DNAH11: variants seen among roughly 807,000 people sequenced by gnomAD.
DNAH11 encodes the protein dynein axonemal heavy chain 11.
A neutral mutation model predicts 526.0 loss-of-function variants in DNAH11; 442 were observed. The ratio of observed to expected loss-of-function variants is 0.84; its 90% CI spans 0.78 to 0.91. The LOEUF is 0.91. DNAH11 is among the 40% of genes least tolerant of loss of function. DNAH11 has a pLI of 0.00. For synonymous variants in DNAH11, 2,461 were observed against 1,935.9 expected, an observed-to-expected ratio of 1.27 and a Z score of -7.12; for missense variants, 6,989 against 5,448.7, an observed-to-expected ratio of 1.28 and a Z score of -8.90.
intron 39 of DNAH11, among the ~76,000 whole-genome samples, chr7:21,705,785 G>T (rs1784240897): frequency 6.6e-6 from 1 of 152,184 alleles, no homozygotes; most frequent in Non-Finnish European, 1.5e-5. Context: ...AAGCCAACAT[G>T]AAGATTGAAC....
In DNAH11 at chr7:21,748,757, C is replaced by T. The variant is rs780183912; in HGVS notation, c.8673+15C>T. 1.2e-6 allele frequency: 2 copies of T among 1,608,542 alleles called. No individual in the cohort carries two copies. Among genetic ancestry groups the T allele is most frequent in the South Asian group, 2.2e-5 (2 of 90,134 alleles). ...AGGAACTTCGGGTGAGTCAAGGGGA[C>T]AGGCAGTTCTTCTGACCCTTCTGCT... On this transcript the variant is annotated intron_variant, in intron 52 of 81. Coordinates refer to ENST00000409508, the MANE Select transcript of DNAH11 (RefSeq NM_001277115.2).
intron 28 of DNAH11, among the ~76,000 whole-genome samples, chr7:21,639,871 T>A (rs1386930187): frequency 6.6e-6 from 1 of 152,140 alleles, no homozygotes; most frequent in African/African-American, 2.4e-5. Context: ...TCTCCATGTT[T>A]TTTTTTTCTC....
At position 21,690,778 on chromosome 7, in the gene DNAH11, G is replaced by A; in HGVS notation, c.5938G>A (p.Gly1980Arg). 1.2e-6 allele frequency: 2 copies of A among 1,606,110 alleles called. No homozygotes were observed. The highest frequency in any genetic ancestry group is 1.7e-6 in the Non-Finnish European group (2 of 1,176,076). The change falls in exon 35 of 82, where the codon GGG becomes AGG. Residue 1980 changes from glycine to arginine, a missense_variant. Transcript: ENST00000409508. ...TTTTTATGGTAGATTTGTATTTCTTGGGGAAGCTATCACACTGAAGCCATC... is the reference window on the plus strand; with the variant it reads ...TTTTTATGGTAGATTTGTATTTCTTAGGGAAGCTATCACACTGAAGCCATC... Reference protein sequence around the residue: ...RNRKKRFVFLGEAITLKPSVG... With the variant: ...RNRKKRFVFLREAITLKPSVG...
intron 45 of DNAH11, among the ~76,000 whole-genome samples, chr7:21,733,543 T>C (rs1454726876): frequency 6.6e-6 from 1 of 152,228 alleles, no homozygotes. Context: ...GAACCTGTTA[T>C]CAACCAAGAC....
Position 21,590,952 on chromosome 7 carries a change from T to G in DNAH11, c.2204T>G (p.Leu735Trp), listed in dbSNP as rs1192465573. 1 of 1,508,148 alleles carries G rather than the reference T, an allele frequency of 6.6e-7. No homozygotes were observed. The highest frequency in any genetic ancestry group is 1.4e-5 in the African/African-American group (1 of 69,000). 93.4% of individuals were successfully genotyped at this position (1,508,148 alleles called of 1,614,324 possible). A position where few individuals can be genotyped will look rare whatever the true frequency, so the allele number is the denominator to read the frequency against. ...GTATTGAGAGAAGTGAAATATCTTT[T>G]GATGTTGAAGAAACAAGACATACCA... ...VAVLREVKYLLMLKKQDIPDS... is the reference protein window; with the variant it reads ...VAVLREVKYLWMLKKQDIPDS... Residue 735 changes from leucine (L) to tryptophan (W), a missense_variant, in exon 13 of 82, where the codon TTG becomes TGG. Coordinates refer to ENST00000409508, the MANE Select transcript of DNAH11 (RefSeq NM_001277115.2).
intron 30 of DNAH11, among the ~76,000 whole-genome samples, chr7:21,661,054 C>G (rs1487407580): frequency 2.6e-5 from 4 of 152,028 alleles, no homozygotes. Flanking sequence ...CGATGTTCCT[C>G]CACTCAGGCA....
intron 8 of DNAH11, among the ~76,000 whole-genome samples, chr7:21,575,825 G>A (rs191673005): frequency 6.4e-4 from 98 of 152,044 alleles, no homozygotes; most frequent in Non-Finnish European, 1.2e-3. Context: ...TTTATACCTT[G>A]CTTTTATCCC....
At chr7:21,664,285 C>G (rs1782343752) in intron 30 of DNAH11, among the ~76,000 whole-genome samples, 1 of 151,808 alleles carries the variant, frequency 6.6e-6, no homozygotes, top group Non-Finnish European at 1.5e-5. Context: ...GGCTGGATCT[C>G]CTGTTAAATT....
At chr7:21,838,671 T>C (rs183262973) in intron 65 of DNAH11, among the ~76,000 whole-genome samples, 1 of 152,266 alleles carries the variant, frequency 6.6e-6, no homozygotes, top group East Asian at 1.9e-4. Context: ...GGTGCAAAAG[T>C]AATTGTGGGT....
At chr7:21,617,287 G>C (rs1212938273) in intron 22 of DNAH11, among the ~76,000 whole-genome samples, 2 of 152,182 alleles carry the variant, frequency 1.3e-5, no homozygotes, top group Non-Finnish European at 2.9e-5. Flanking sequence ...ATAACAGTCT[G>C]TTTCCATTTA....
chr7:21,609,723 A>T (rs1221776424), intron 20 of DNAH11, among the ~76,000 whole-genome samples: 1 of 152,216 alleles, frequency 6.6e-6, no homozygotes, highest in Non-Finnish European at 1.5e-5. Flanking sequence ...CAAGAACATA[A>T]AACAAATCTC....
chr7:21,581,850 A>G (rs780656760), intron 8 of DNAH11, 55 bp from the exon 9 acceptor site: 1 of 1,133,026 alleles, frequency 8.8e-7, no homozygotes, highest in Non-Finnish European at 1.3e-6. Context: ...TGTGATTGCT[A>G]TTTTCGCTGT....
At chr7:21,659,082 G>T in intron 30 of DNAH11, 51 bp downstream of exon 30, 2 of 1,392,034 alleles carry the variant, frequency 1.4e-6, no homozygotes, top group Non-Finnish European at 9.8e-7. Flanking sequence ...CAAGATGTAA[G>T]CTTGCTTCAT....
At chr7:21,632,934 A>G (rs1285142647) in intron 25 of DNAH11, among the ~76,000 whole-genome samples, 2 of 152,190 alleles carry the variant, frequency 1.3e-5, no homozygotes, top group Non-Finnish European at 2.9e-5. Flanking sequence ...AAGATTGGGC[A>G]ATTTGTAAAA....
At chr7:21,840,314 A>G (rs1430083899) in intron 65 of DNAH11, among the ~76,000 whole-genome samples, 1 of 152,274 alleles carries the variant, frequency 6.6e-6, no homozygotes, top group Admixed American at 6.5e-5. Context: ...AGTCAATGAG[A>G]TAGGCAATAA....
intron 55 of DNAH11, 63 bp from the exon 56 acceptor site, chr7:21,773,703 T>TC: frequency 8.3e-7 from 1 of 1,203,586 alleles, no homozygotes; most frequent in Non-Finnish European, 1.1e-6. Context: ...TTACTTGATT[T>TC]TTTTTAAGTT....
rs1452371012 is a variant in DNAH11 at position 21,850,492 on chromosome 7, C to G, written c.10897-1975C>G. On this transcript the variant is annotated intron_variant, in intron 66 of 81. Transcript: ENST00000409508. ...TGCCCATGTGGTCTTGCATGGTGTT[C>G]ACTTTTCCATTAAACCCGTTAGCAC... Among the ~76,000 whole-genome samples the G allele has an allele frequency of 3.3e-5, 5 of 151,638 alleles. No individual in the cohort carries two copies. The East Asian group carries it at 9.7e-4, about 29-fold the overall frequency.
At chr7:21,587,902 T>A (rs923264239) in intron 9 of DNAH11, among the ~76,000 whole-genome samples, 162 bp from the exon 10 acceptor site, 23 of 152,044 alleles carry the variant, frequency 1.5e-4, no homozygotes, top group Admixed American at 1.0e-3. Context: ...GTACAGAAAT[T>A]TTAGGGAGAT....
At chr7:21,735,434 C>G (rs929315065) in intron 45 of DNAH11, among the ~76,000 whole-genome samples, 1 of 152,170 alleles carries the variant, frequency 6.6e-6, no homozygotes, top group African/African-American at 2.4e-5. Flanking sequence ...TTGCTCTCCT[C>G]AAGCTACAAT....
Sources: gnomAD v4.1 joint callset for allele counts (sites outside exome capture counted in the v4.1 genomes callset) on GRCh38, gnomAD v4.1.1 for gene constraint, MANE v1.5 for transcripts, NCBI Gene and HGNC (gene_info 2026-07-23, HGNC 2026-07-21) for gene names.